The following UBA6 variants were observed in gnomAD, a reference collection of about 807,000 sequenced individuals.
UBA6 encodes the protein ubiquitin-like modifier-activating enzyme 6.
UBA6 carries 87 observed loss-of-function variants against 148.3 expected under a neutral mutation model. The observed-to-expected ratio is 0.59, with a 90% CI of 0.49 to 0.70. The LOEUF is 0.70. Ranked by LOEUF, UBA6 falls within the 30% of genes least tolerant of loss-of-function variation. The pLI is 0.00. For missense variants in UBA6, 1,186 were observed against 1,241.2 expected (o/e 0.96, Z 0.67); for synonymous variants, 376 against 401.0 (o/e 0.94, Z 0.75).
At chr4:67,685,717 T>C (rs946400574) in intron 2 of UBA6, among the ~76,000 whole-genome samples, 3 of 152,148 alleles carry the variant, frequency 2.0e-5, no homozygotes, top group Admixed American at 6.5e-5. Context: ...AATACCATTA[T>C]TGTAGGAGTG....
intron 19 of UBA6, among the ~76,000 whole-genome samples, chr4:67,638,692 G>T (rs1395690788): frequency 6.6e-6 from 1 of 152,202 alleles, no homozygotes; most frequent in African/African-American, 2.4e-5. Flanking sequence ...AGCCAAGGAA[G>T]ACTGGTAAAT....
intron 4 of UBA6, among the ~76,000 whole-genome samples, chr4:67,680,006 G>A (rs947500459): frequency 6.6e-6 from 1 of 152,090 alleles, no homozygotes; most frequent in African/African-American, 2.4e-5. Context: ...AAATCCATGA[G>A]TTTATCATAA....
intron 13 of UBA6, among the ~76,000 whole-genome samples, chr4:67,650,946 C>A (rs1397515329): frequency 1.3e-5 from 2 of 152,064 alleles, no homozygotes; most frequent in African/African-American, 4.8e-5. Flanking sequence ...ACAAAACACA[C>A]CAATACCTCT....
chr4:67,696,646 T>C lies in UBA6; in HGVS notation c.133A>G (p.Ser45Gly), dbSNP rs770152133. 1.2e-6 allele frequency: 2 copies of C among 1,603,688 alleles called. No homozygotes were observed. Among genetic ancestry groups the C allele is most frequent in the Admixed American group, 3.4e-5 (2 of 58,828 alleles). Residue 45 changes from serine to glycine, a missense_variant and splice_region_variant, in exon 2 of 33, where the codon AGT (serine) becomes GGT (glycine). Coordinates refer to ENST00000322244, the MANE Select transcript of UBA6 (RefSeq NM_018227.6). ...ASVEIDDALY[S>G]RQRYVLGDTA... ...TTTCAGTTTCTATGAGATTCTTACC[T>C]ATACAATGCATCATCGATTTCCACA... is the stretch of plus-strand genomic sequence containing the variant.
intron 23 of UBA6, among the ~76,000 whole-genome samples, chr4:67,632,512 A>G (rs921385251): frequency 1.1e-4 from 17 of 152,214 alleles, no homozygotes; most frequent in South Asian, 2.1e-4. Context: ...AAAAATGCAC[A>G]GAAGATAAGA....
Position 67,674,417 on chromosome 4 carries a change from C to T in UBA6, c.466-640G>A, listed in dbSNP as rs190736453. On this transcript the variant is annotated intron_variant, in intron 6 of 32. Transcript: ENST00000322244. ...AAGGTCTTCCTCAGGGACAAAGAGACGTCTTAGCTTGCTTTAAAACAGCCA... is the reference window on the plus strand; with the variant it reads ...AAGGTCTTCCTCAGGGACAAAGAGATGTCTTAGCTTGCTTTAAAACAGCCA... 3.2e-3 allele frequency among the ~76,000 whole-genome samples: 485 copies of T among 152,236 alleles called. 3 individuals carry two copies. The highest frequency in any genetic ancestry group is 0.01 in the African/African-American group (428 of 41,532).
chr4:67,652,091 CCT>C (rs552690344), intron 13 of UBA6, among the ~76,000 whole-genome samples: 23 of 151,886 alleles, frequency 1.5e-4, no homozygotes, highest in African/African-American at 5.6e-4. Flanking sequence ...GCTTTTTGAC[CCT>C]GTGTTAAAAA....
intron 13 of UBA6, among the ~76,000 whole-genome samples, chr4:67,657,318 C>T (rs931814193): frequency 6.6e-6 from 1 of 152,318 alleles, no homozygotes; most frequent in South Asian, 2.1e-4. Context: ...CAGCATGGTA[C>T]TGGTACCAGA....
At chr4:67,652,872 T>A (rs1729586902) in intron 13 of UBA6, among the ~76,000 whole-genome samples, 1 of 152,216 alleles carries the variant, frequency 6.6e-6, no homozygotes, top group Admixed American at 6.5e-5. Context: ...CAGGAGATTC[T>A]CTCCTGTGCC....
intron 14 of UBA6, among the ~76,000 whole-genome samples, chr4:67,647,260 C>A (rs1272740224): frequency 6.6e-6 from 1 of 152,066 alleles, no homozygotes; most frequent in Admixed American, 6.6e-5. Flanking sequence ...TCAAGTGATT[C>A]AGCCTCCTGA....
chr4:67,625,896 CCT>C (rs1728855812), intron 28 of UBA6, among the ~76,000 whole-genome samples: 1 of 151,776 alleles, frequency 6.6e-6, no homozygotes, highest in African/African-American at 2.4e-5. Flanking sequence ...TTCTGTATTC[CCT>C]GTCAGTAATT....
At chr4:67,694,226 A>G (rs1344105664) in intron 2 of UBA6, among the ~76,000 whole-genome samples, 1 of 142,080 alleles carries the variant, frequency 7.0e-6, no homozygotes, top group African/African-American at 2.8e-5. Context: ...AAAAAAAAAA[A>G]AAAAAAAAAA....
At chr4:67,693,396 C>T (rs1449430491) in intron 2 of UBA6, among the ~76,000 whole-genome samples, 1 of 151,484 alleles carries the variant, frequency 6.6e-6, no homozygotes, top group Admixed American at 6.6e-5. Flanking sequence ...TGATTATTTA[C>T]ATTATCAGTA....
chr4:67,628,932 A>G (rs1728934571), intron 27 of UBA6, 139 bp downstream of exon 27: 1 of 663,774 alleles, frequency 1.5e-6, no homozygotes, highest in Non-Finnish European at 2.7e-6. Flanking sequence ...ATTCTGACAA[A>G]TCTACTTCAA....
intron 12 of UBA6, chr4:67,662,685 A>C (rs1221611454): frequency 5.8e-6 from 1 of 171,304 alleles, no homozygotes; most frequent in African/African-American, 2.4e-5. Flanking sequence ...CTGGTCTTGA[A>C]CTCCTGGCCT....
chr4:67,643,745 T>G (rs1729359722), intron 17 of UBA6, among the ~76,000 whole-genome samples: 1 of 152,056 alleles, frequency 6.6e-6, no homozygotes, highest in Admixed American at 6.5e-5. Context: ...TATAGAAGCA[T>G]GTCCACATTA....
At chr4:67,675,270 T>G (rs143618549) in intron 6 of UBA6, among the ~76,000 whole-genome samples, 7 of 152,382 alleles carry the variant, frequency 4.6e-5, no homozygotes, top group South Asian at 2.1e-4. Flanking sequence ...TTTTAAGACT[T>G]CATGTTCATT....
At chr4:67,700,497 A>AGAATGG (rs1321472634) in intron 1 of UBA6, among the ~76,000 whole-genome samples, 1 of 151,924 alleles carries the variant, frequency 6.6e-6, no homozygotes, top group Non-Finnish European at 1.5e-5. Context: ...GTGGGAAATA[A>AGAATGG]GAATGGGTAA....
At chr4:67,646,640 G>T in intron 15 of UBA6, 84 bp downstream of exon 15, 1 of 951,724 alleles carries the variant, frequency 1.1e-6, no homozygotes, top group Non-Finnish European at 1.6e-6. Flanking sequence ...TGGGAGAAAA[G>T]ACACATAAAA....
Sources: gnomAD v4.1 joint callset for allele counts (sites outside exome capture counted in the v4.1 genomes callset) on GRCh38, gnomAD v4.1.1 for gene constraint, MANE v1.5 for transcripts, NCBI Gene and HGNC (gene_info 2026-07-23, HGNC 2026-07-21) for gene names.